Variants in MEP1A observed in about 807,000 individuals in gnomAD.
The protein encoded by MEP1A is N-benzoyl-L-tyrosyl-P-amino-benzoic acid hydrolase subunit alpha.
Under a neutral mutation model 84.5 loss-of-function variants are expected in MEP1A, and 68 were observed. That is an observed-to-expected ratio of 0.80 (90% CI 0.66 to 0.98). The LOEUF (loss-of-function observed/expected upper bound fraction) is 0.98. Ranked by LOEUF, MEP1A falls within the 50% of genes least tolerant of loss-of-function variation. The probability of loss-of-function intolerance (pLI) is 0.00; values close to 1 mark genes in which losing one functional copy is unlikely to be tolerated. For missense variants in MEP1A, 887 were observed against 919.9 expected (o/e 0.96, Z 0.46); for synonymous variants, 337 against 336.8 (o/e 1.00, Z -0.01).
chr6:46,812,274 A>G (rs1045275269), intron 6 of MEP1A, among the ~76,000 whole-genome samples: 13 of 152,066 alleles, frequency 8.5e-5, no homozygotes, highest in African/African-American at 3.1e-4. Flanking sequence ...TGTTCAAAGT[A>G]GCCTTGAATA....
rs201799392 is a variant in MEP1A, at chr6:46,833,451, A to G, written c.1522A>G (p.Ile508Val). ...EWPVENRQVI[I>V]TILDQEPDVR... ...GCCGGTAGAAAACAGACAGGTGATA[A>G]TTACCATCCTTGACCAGGAGCCTGA... The change falls in exon 11 of 14, where the codon ATT (isoleucine) becomes GTT (valine). Residue 508 changes from isoleucine (I) to valine (V), a missense_variant. Transcript: ENST00000230588. 13 of 1,614,180 alleles carry G rather than the reference A, an allele frequency of 8.1e-6. No individual in the cohort carries two copies. In the South Asian group the frequency reaches 1.3e-4, roughly 16 times the overall value.
In MEP1A at chr6:46,829,657, C is replaced by A. The variant is rs1768035160; in HGVS notation, c.1144+86C>A. ...TCCTCCTTCCCTCTTTCCTCCTACT[C>A]CTCCTTCTTCTCTCTCCTCCTCCTT... On this transcript the variant is annotated intron_variant, in intron 10 of 13. Coordinates refer to ENST00000230588, the MANE Select transcript of MEP1A (RefSeq NM_005588.3). 3 of 934,074 alleles carry A rather than the reference C, an allele frequency of 3.2e-6. No individual in the cohort carries two copies. The Admixed American group carries it at 5.3e-5, about 17-fold the overall frequency. The allele number at this position is 934,074 out of a possible 1,614,324, so 57.9% of individuals were successfully genotyped here.
At chr6:46,842,617 C>T (rs537858288), downstream of MEP1A, among the ~76,000 whole-genome samples, 29 of 152,254 alleles carry the variant, frequency 1.9e-4, no homozygotes, top group South Asian at 8.3e-4. Context: ...CAAGATAATA[C>T]GTGCACAGTG....
downstream of MEP1A, among the ~76,000 whole-genome samples, chr6:46,844,629 G>C (rs1415762894): frequency 3.9e-5 from 6 of 152,152 alleles, no homozygotes; most frequent in East Asian, 1.2e-3. Flanking sequence ...CATAAGAAAG[G>C]CATGAGAAGA....
rs776021861 is a variant in MEP1A, at chr6:46,833,177, T to C, written c.1248T>C (p.Thr416=). ...QGTKGDPQNS[T]GGIYLDDITL... is the part of the protein sequence containing the mutation. ...CAAAAGGCGACCCTCAGAACTCAAC[T>C]GGGGGAATTTACCTAGATGACATCA... Residue 416 remains threonine, a synonymous_variant, in exon 11 of 14, where the codon ACT becomes ACC. Transcript: ENST00000230588. 12 of 1,607,626 alleles carry C rather than the reference T, an allele frequency of 7.5e-6. No individual in the cohort carries two copies. The highest frequency in any genetic ancestry group is 9.3e-6 in the Non-Finnish European group (11 of 1,177,216).
At position 46,813,969 on chromosome 6, in the gene MEP1A, C is replaced by T. The variant is rs186516414; in HGVS notation, c.380+4432C>T. Among the ~76,000 whole-genome samples, 5 of 152,264 alleles carry T rather than the reference C, an allele frequency of 3.3e-5. No homozygotes were observed. In the East Asian group the frequency reaches 9.6e-4, roughly 29 times the overall value. On this transcript the variant is annotated intron_variant, in intron 6 of 13. Transcript: ENST00000230588. ...TATGAGTTACCTGATGCTTTTGCTTCACAGCTCTTAAGATTCTTTCCTTTG... is the reference window on the plus strand; with the variant it reads ...TATGAGTTACCTGATGCTTTTGCTTTACAGCTCTTAAGATTCTTTCCTTTG...
chr6:46,793,687 A>G lies in MEP1A; in HGVS notation c.116A>G (p.Glu39Gly). ...ACAGTACATGATGCAGATTTTGGTG[A>G]ACAGAAGGATATTTCAGAAATCAAT... ...EENVHDADFG[E>G]QKDISEINLA... Residue 39 changes from glutamate (E) to glycine (G), a missense_variant, in exon 3 of 14, where the codon GAA (glutamate) becomes GGA (glycine). Coordinates refer to ENST00000230588, the MANE Select transcript of MEP1A (RefSeq NM_005588.3). 6.2e-7 allele frequency: 1 copy of G among 1,610,610 alleles called. No homozygotes were observed. The highest frequency in any genetic ancestry group is 1.1e-5 in the South Asian group (1 of 90,836).
At chr6:46,799,936 G>A (rs935910813) in intron 5 of MEP1A, among the ~76,000 whole-genome samples, 1 of 152,136 alleles carries the variant, frequency 6.6e-6, no homozygotes, top group Admixed American at 6.5e-5. Flanking sequence ...GGACAGGGTT[G>A]CTTAGTCTTG....
chr6:46,837,561 G>A (rs1304224691), intron 13 of MEP1A, among the ~76,000 whole-genome samples: 1 of 152,194 alleles, frequency 6.6e-6, no homozygotes, highest in Admixed American at 6.5e-5. Context: ...ATCTTTGCCT[G>A]ACAGGCCCTT....
At chr6:46,797,802 CTT>C (rs1323763026) in intron 3 of MEP1A, among the ~76,000 whole-genome samples, 1 of 33,246 alleles carries the variant, frequency 3.0e-5, no homozygotes, top group Non-Finnish European at 6.1e-5. Flanking sequence ...CTCTTTCTTT[CTT>C]TCTTTCTTTC....
rs1767365497 is a variant in MEP1A at position 46,807,563 on chromosome 6, A to AGAAAGAAG, written c.263-1852_263-1851insAAGGAAAG. Among the ~76,000 whole-genome samples, 55 of 67,318 alleles carry AGAAAGAAG rather than the reference A, an allele frequency of 8.2e-4. 1 individual carries two copies. Among genetic ancestry groups the AGAAAGAAG allele is most frequent in the African/African-American group, 4.1e-3 (54 of 13,150 alleles). 44.2% of individuals were successfully genotyped at this position (67,318 alleles called of 152,430 possible). A position where few individuals can be genotyped will look rare whatever the true frequency, so the allele number is the denominator to read the frequency against. On this transcript the variant is annotated intron_variant, in intron 5 of 13. Transcript: ENST00000230588. ...AAGAAAGAAAGAAAGAAAGAAAGAA[A>AGAAAGAAG]GAAAGGAAGGAAGGAAGGAAGGAAG...
At chr6:46,811,111 C>T (rs1581672017) in intron 6 of MEP1A, among the ~76,000 whole-genome samples, 1 of 152,072 alleles carries the variant, frequency 6.6e-6, no homozygotes, top group African/African-American at 2.4e-5. Flanking sequence ...CAAGGGATAG[C>T]TTTCCATTTG....
In MEP1A at chr6:46,827,539, C is replaced by T. The variant is rs967984816; in HGVS notation, c.928+1036C>T. 5.3e-5 allele frequency among the ~76,000 whole-genome samples: 8 copies of T among 152,304 alleles called. No homozygotes were observed. In the South Asian group the frequency reaches 8.3e-4, roughly 16 times the overall value. On this transcript the variant is annotated intron_variant, in intron 9 of 13. Transcript: ENST00000230588. ...CAAAGACTAGACTATTGCAAAGTCA[C>T]TTAGTCCGTAACTGTCTGAGAGTTG...
chr6:46,815,923 T>C (rs1691915506), intron 6 of MEP1A, among the ~76,000 whole-genome samples: 1 of 152,050 alleles, frequency 6.6e-6, no homozygotes, highest in African/African-American at 2.4e-5. Context: ...TTTTGGAGCT[T>C]ATTCATTTAT....
At chr6:46,843,227 T>C (rs220693), downstream of MEP1A, among the ~76,000 whole-genome samples, 55,984 of 152,014 alleles carry the variant, frequency 0.37, 10,600 homozygotes, top group East Asian at 0.43. Context: ...GCACACTTCT[T>C]CAGTAGTGAC....
the MEP1A span, among the ~76,000 whole-genome samples, chr6:46,845,822 G>A: frequency 6.6e-6 from 1 of 152,036 alleles, no homozygotes; most frequent in Admixed American, 6.6e-5. Flanking sequence ...CCCATTATAT[G>A]GTAAGTGCCC....
intron 7 of MEP1A, among the ~76,000 whole-genome samples, chr6:46,824,987 TTTAAATAG>T (rs1767892379): frequency 7.6e-6 from 1 of 132,264 alleles, no homozygotes; most frequent in Non-Finnish European, 1.6e-5. Context: ...AAATTATATA[TTTAAATAG>T]ATCTATTTAA....
downstream of MEP1A, among the ~76,000 whole-genome samples, chr6:46,840,093 G>C: frequency 6.6e-6 from 1 of 151,776 alleles, no homozygotes; most frequent in East Asian, 1.9e-4. Flanking sequence ...AGCTCAGGAA[G>C]TTTAATAAAT....
chr6:46,815,648 C>T (rs554483963), intron 6 of MEP1A, among the ~76,000 whole-genome samples: 49 of 152,046 alleles, frequency 3.2e-4, no homozygotes, highest in Middle Eastern at 3.4e-3. Flanking sequence ...CAGTAGTTCT[C>T]GGAGCAAAAA....
Sources: gnomAD v4.1 joint callset for allele counts (sites outside exome capture counted in the v4.1 genomes callset) on GRCh38, gnomAD v4.1.1 for gene constraint, MANE v1.5 for transcripts, NCBI Gene and HGNC (gene_info 2026-07-23, HGNC 2026-07-21) for gene names.